The following NFYC variants were observed in gnomAD, a reference collection of about 807,000 sequenced individuals.
NFYC encodes CAAT box DNA-binding protein subunit C.
Under a neutral mutation model 53.1 loss-of-function variants are expected in NFYC, and 25 were observed. That is an observed-to-expected ratio of 0.47 (90% confidence interval 0.34 to 0.66). The LOEUF (loss-of-function observed/expected upper bound fraction) is 0.66, where lower values mean the gene tolerates loss of function less well. Ranked by LOEUF, NFYC falls within the 30% of genes least tolerant of loss-of-function variation. The pLI, the probability that NFYC is intolerant of heterozygous loss-of-function variation, is 0.01. For missense variants in NFYC, 260 were observed against 422.7 expected, an observed-to-expected ratio of 0.62 and a Z score of 3.38; for synonymous variants, 145 against 152.6, an observed-to-expected ratio of 0.95 and a Z score of 0.37.
At chr1:40,760,478 T>C (rs1199784582) in intron 6 of NFYC, among the ~76,000 whole-genome samples, 1 of 152,120 alleles carries the variant, frequency 6.6e-6, no homozygotes, top group Non-Finnish European at 1.5e-5. Context: ...CCCAGTACTT[T>C]GGGAGGCCGA....
intron 5 of NFYC, chr1:40,754,245 C>T (rs1646080749): frequency 3.8e-6 from 2 of 531,690 alleles, no homozygotes; most frequent in South Asian, 2.8e-5. Context: ...AAGTGGGCAT[C>T]CTAATGAACA....
chr1:40,721,500 G>A (rs1302111283), intron 1 of NFYC: 1 of 152,120 alleles, frequency 6.6e-6, no homozygotes, highest in Non-Finnish European at 1.5e-5. Context: ...AGACAAAACA[G>A]GCACGTACTC....
chr1:40,762,898 T>G lies in NFYC; in HGVS notation c.572T>G (p.Val191Gly). ...AQPQQGQTTP[V>G]TMQVGEGQQV... ...AACTCTTCCTTTCAGACCACACCTGTGACAATGCAGGTTGGAGAAGGTCAG... is the reference window on the plus strand; with the variant it reads ...AACTCTTCCTTTCAGACCACACCTGGGACAATGCAGGTTGGAGAAGGTCAG... The change falls in exon 7 of 10, where the codon GTG becomes GGG. Residue 191 changes from valine (V) to glycine (G), a missense_variant. Val to Gly is a moderately radical substitution (Grantham distance 109). Coordinates refer to ENST00000447388, the MANE Select transcript of NFYC (RefSeq NM_014223.5). 6.2e-7 allele frequency: 1 copy of G among 1,602,358 alleles called. No homozygotes were observed. The highest frequency in any genetic ancestry group is 2.3e-5 in the East Asian group (1 of 44,252).
chr1:40,695,678 C>G (rs1643093912), intron 1 of NFYC: 1 of 152,160 alleles, frequency 6.6e-6, no homozygotes, highest in Admixed American at 6.5e-5. Context: ...ACCTCGGCCT[C>G]CCAAAGTGCT....
intron 4 of NFYC, 79 bp from the exon 5 acceptor site, chr1:40,753,072 A>G (rs1293376071): frequency 9.7e-7 from 1 of 1,031,672 alleles, no homozygotes; most frequent in East Asian, 2.4e-5. Context: ...AAGTCGTCTT[A>G]CCTTACTTGG....
Position 40,738,839 on chromosome 1 carries a change from T to C in NFYC, c.-5T>C. 6.2e-7 allele frequency: 1 copy of C among 1,612,352 alleles called. No homozygotes were observed. The highest frequency in any genetic ancestry group is 1.1e-5 in the South Asian group (1 of 90,996). On this transcript the variant is annotated 5_prime_UTR_variant, in exon 2 of 10. Transcript: ENST00000447388. ...TTATGTATGTGTTTATTTTCAGTTGTCGAGATGTCCACAGAAGGAGGATTT... is the reference window on the plus strand; with the variant it reads ...TTATGTATGTGTTTATTTTCAGTTGCCGAGATGTCCACAGAAGGAGGATTT...
intron 3 of NFYC, 40 bp from the exon 4 acceptor site, chr1:40,749,533 C>T: frequency 1.3e-6 from 2 of 1,524,832 alleles, no homozygotes; most frequent in Non-Finnish European, 1.8e-6. Flanking sequence ...GTTTGCATGA[C>T]TTGCTGGTGA....
intron 1 of NFYC, chr1:40,734,796 A>T (rs1644941529): frequency 6.6e-6 from 1 of 152,232 alleles, no homozygotes; most frequent in Admixed American, 6.5e-5. Flanking sequence ...ATGTTCTTCT[A>T]AGAGACATTA....
chr1:40,694,276 A>G (rs1305127528), intron 1 of NFYC, among the ~76,000 whole-genome samples: 1 of 152,226 alleles, frequency 6.6e-6, no homozygotes, highest in Non-Finnish European at 1.5e-5. Context: ...ATTCTAGGAT[A>G]TGCTTATCCT....
intron 7 of NFYC, among the ~76,000 whole-genome samples, chr1:40,764,733 T>A (rs999862507): frequency 1.3e-5 from 2 of 152,212 alleles, no homozygotes; most frequent in Admixed American, 6.5e-5. Flanking sequence ...GGAAACTTTA[T>A]TTCCCTTTCA....
At chr1:40,707,845 A>G (rs1306609958) in intron 1 of NFYC, among the ~76,000 whole-genome samples, 5 of 133,982 alleles carry the variant, frequency 3.7e-5, no homozygotes, top group South Asian at 2.4e-4. Flanking sequence ...GCCAGACCCT[A>G]TCTCAAAAAA....
intron 4 of NFYC, among the ~76,000 whole-genome samples, chr1:40,750,452 G>A (rs1031728966): frequency 1.3e-5 from 2 of 152,156 alleles, no homozygotes; most frequent in African/African-American, 4.8e-5. Flanking sequence ...AATGTGCCGG[G>A]CACTTTTCTA....
At chr1:40,717,499 G>A (rs567220292) in intron 1 of NFYC, among the ~76,000 whole-genome samples, 3 of 152,168 alleles carry the variant, frequency 2.0e-5, no homozygotes, top group East Asian at 1.9e-4. Context: ...AGCACCGTAT[G>A]TAATACATGG....
chr1:40,725,470 A>G (rs1055697941), intron 1 of NFYC, among the ~76,000 whole-genome samples: 2 of 152,174 alleles, frequency 1.3e-5, no homozygotes, highest in African/African-American at 4.8e-5. Flanking sequence ...GAAATTGTCA[A>G]TTTTAGATTG....
chr1:40,715,329 G>A (rs1448310947), intron 1 of NFYC, among the ~76,000 whole-genome samples: 5 of 151,692 alleles, frequency 3.3e-5, no homozygotes, highest in African/African-American at 1.2e-4. Context: ...GTTGCAGTGA[G>A]CCATGATAGT....
At chr1:40,734,038 C>T (rs972848141) in intron 1 of NFYC, among the ~76,000 whole-genome samples, 1 of 152,042 alleles carries the variant, frequency 6.6e-6, no homozygotes, top group Admixed American at 6.5e-5. Flanking sequence ...GAGCCACAGC[C>T]CCTGGCCTTA....
chr1:40,702,305 A>G (rs1304941144), intron 1 of NFYC, among the ~76,000 whole-genome samples: 1 of 148,994 alleles, frequency 6.7e-6, no homozygotes, highest in Non-Finnish European at 1.5e-5. Flanking sequence ...ATTGCTCAGA[A>G]TGTTTCTGGG....
chr1:40,743,921 A>G (rs540863690), intron 2 of NFYC, among the ~76,000 whole-genome samples: 26 of 152,334 alleles, frequency 1.7e-4, no homozygotes, highest in African/African-American at 6.0e-4. Context: ...GCAGGGCCGT[A>G]AAACAGTAGT....
chr1:40,734,443 A>ACCTCCACCTCCTGGGTTTGCAG (rs748135577), intron 1 of NFYC, among the ~76,000 whole-genome samples: 105 of 151,256 alleles, frequency 6.9e-4, no homozygotes, highest in Non-Finnish European at 1.2e-3. Context: ...GCTCACTGCA[A>ACCTCCACCTCCTGGGTTTGCAG]CCTCCACCTC....
Sources: gnomAD v4.1 joint callset for allele counts (sites outside exome capture counted in the v4.1 genomes callset) on GRCh38, gnomAD v4.1.1 for gene constraint, MANE v1.5 for transcripts, NCBI Gene and HGNC (gene_info 2026-07-23, HGNC 2026-07-21) for gene names.